Variants in COX6B1 observed in about 807,000 individuals in gnomAD.
COX6B1 encodes cytochrome c oxidase subunit 6B1.
Under a neutral mutation model 14.0 loss-of-function variants are expected in COX6B1, and 2 were observed. The ratio of observed to expected loss-of-function variants is 0.14; its 90% CI spans 0.06 to 0.45. COX6B1 has a LOEUF of 0.45. Ranked by LOEUF, COX6B1 falls within the 20% of genes least tolerant of loss-of-function variation. The pLI is 0.98. For missense variants in COX6B1, 81 were observed against 114.2 expected, an observed-to-expected ratio of 0.71 and a Z score of 1.33; for synonymous variants, 30 against 39.7, an observed-to-expected ratio of 0.76 and a Z score of 0.92.
chr19:35,658,092 T>A (rs910367601), intron 3 of COX6B1, among the ~76,000 whole-genome samples: 1 of 152,152 alleles, frequency 6.6e-6, no homozygotes, highest in African/African-American at 2.4e-5. Flanking sequence ...ACACCCAGCC[T>A]CCATCATTGT....
chr19:35,650,919 C>T (rs180769332), intron 1 of COX6B1, among the ~76,000 whole-genome samples: 543 of 152,212 alleles, frequency 3.6e-3, no homozygotes, highest in African/African-American at 0.012. Context: ...ATAGTTCCTA[C>T]CTTTTAGAGT....
chr19:35,656,621 C>G (rs1260893177), intron 3 of COX6B1, among the ~76,000 whole-genome samples: 1 of 151,874 alleles, frequency 6.6e-6, no homozygotes, highest in South Asian at 2.1e-4. Context: ...TCTGGGATTA[C>G]AGGCGCCTGC....
intron 1 of COX6B1, 54 bp from the exon 2 acceptor site, chr19:35,651,178 TG>T: frequency 9.2e-7 from 1 of 1,088,614 alleles, no homozygotes. Context: ...CTGGGTAGTC[TG>T]GCTTGCTCAG....
intron 3 of COX6B1, among the ~76,000 whole-genome samples, chr19:35,657,711 C>T (rs1203466985): frequency 7.3e-6 from 1 of 137,820 alleles, no homozygotes; most frequent in Admixed American, 7.9e-5. Context: ...GTGCGGTGTG[C>T]AGTGGTAGCA....
chr19:35,650,919 C>G (rs180769332), intron 1 of COX6B1, among the ~76,000 whole-genome samples: 5 of 152,100 alleles, frequency 3.3e-5, no homozygotes, highest in Non-Finnish European at 7.3e-5. Context: ...ATAGTTCCTA[C>G]CTTTTAGAGT....
At position 35,658,576 on chromosome 19, in the gene COX6B1, AAC is replaced by A. The variant is rs747318728; in HGVS notation, c.208-15_208-14del. ...TCAGTTTCCCCACTGCGGAGGGAAT[AAC>A]ACTGTCTTTCCACAGGTCACAGACT... On this transcript the variant is annotated splice_polypyrimidine_tract_variant and intron_variant, in intron 3 of 3. Coordinates refer to ENST00000649813, the MANE Select transcript of COX6B1 (RefSeq NM_001863.5). 4.3e-6 allele frequency: 7 copies of A among 1,612,222 alleles called. No homozygotes were observed. The highest frequency in any genetic ancestry group is 5.9e-6 in the Non-Finnish European group (7 of 1,178,316).
chr19:35,649,466 C>T (rs1050641628), intron 1 of COX6B1, among the ~76,000 whole-genome samples: 1 of 150,438 alleles, frequency 6.6e-6, no homozygotes, highest in Non-Finnish European at 1.5e-5. Context: ...GCCACCACAC[C>T]TGGCTAATTT....
chr19:35,651,598 G>T (rs551053752), intron 2 of COX6B1, among the ~76,000 whole-genome samples: 1 of 151,848 alleles, frequency 6.6e-6, no homozygotes, highest in Non-Finnish European at 1.5e-5. Context: ...CAGAGATGGG[G>T]TCTCACTTTG....
chr19:35,651,293 T>C lies in COX6B1; in HGVS notation c.50T>C (p.Phe17Ser). 6.2e-7 allele frequency: 1 copy of C among 1,614,072 alleles called. No homozygotes were observed. Among genetic ancestry groups the C allele is most frequent in the Non-Finnish European group, 8.5e-7 (1 of 1,179,998 alleles). Residue 17 changes from phenylalanine to serine, a missense_variant, in exon 2 of 4, where the codon TTT becomes TCT. Physicochemically the swap from Phe to Ser is radical, Grantham distance 155 (BLOSUM62 -2). Transcript: ENST00000649813. ...ATCAAGAACTACAAGACCGCCCCTT[T>C]TGACAGCCGCTTCCCCAACCAGAAC... is the stretch of plus-strand genomic sequence containing the variant. ...TKIKNYKTAP[F>S]DSRFPNQNQT... is the part of the protein sequence containing the mutation.
At chr19:35,656,181 AG>A (rs1424388956) in intron 3 of COX6B1, among the ~76,000 whole-genome samples, 14 of 152,308 alleles carry the variant, frequency 9.2e-5, no homozygotes, top group African/African-American at 3.4e-4. Flanking sequence ...TTCCACATCT[AG>A]GGATGCTACA....
At chr19:35,657,505 C>T (rs942199733) in intron 3 of COX6B1, among the ~76,000 whole-genome samples, 1 of 151,864 alleles carries the variant, frequency 6.6e-6, no homozygotes, top group Non-Finnish European at 1.5e-5. Context: ...GGTTGGGGCT[C>T]GGGGACCCCT....
chr19:35,649,108 G>A (rs1271145612), intron 1 of COX6B1, among the ~76,000 whole-genome samples: 1 of 152,092 alleles, frequency 6.6e-6, no homozygotes, highest in Admixed American at 6.5e-5. Flanking sequence ...TCAGGCTCCC[G>A]ACGAACACTG....
chr19:35,653,582 ATTT>A (rs1225466966), intron 2 of COX6B1, among the ~76,000 whole-genome samples: 3 of 115,410 alleles, frequency 2.6e-5, no homozygotes, highest in Admixed American at 1.8e-4. Context: ...AATTTTTTGT[ATTT>A]TTTTTTTTTT....
At chr19:35,655,892 C>G (rs748178427) in intron 3 of COX6B1, among the ~76,000 whole-genome samples, 2 of 151,880 alleles carry the variant, frequency 1.3e-5, no homozygotes, top group Non-Finnish European at 2.9e-5. Context: ...GAGCCTTGCT[C>G]TGTTGCCCAG....
intron 1 of COX6B1, chr19:35,648,900 A>C: frequency 3.8e-6 from 2 of 533,256 alleles, no homozygotes; most frequent in South Asian, 2.8e-5. Context: ...CCGGGTAGAG[A>C]TCTCGCCGGT....
At chr19:35,657,203 C>G (rs1174700643) in intron 3 of COX6B1, among the ~76,000 whole-genome samples, 4 of 151,770 alleles carry the variant, frequency 2.6e-5, no homozygotes, top group Admixed American at 6.6e-5. Context: ...TTTCCTGCAA[C>G]TAGATGGTCC....
chr19:35,651,216 A>T lies in COX6B1; in HGVS notation c.-11-17A>T. ...GCCCCTGGGGCCCCTGCTGACACCCACTCCTTTCGCCTCCAGGATTCAGCA... is the reference window on the plus strand; with the variant it reads ...GCCCCTGGGGCCCCTGCTGACACCCTCTCCTTTCGCCTCCAGGATTCAGCA... On this transcript the variant is annotated splice_polypyrimidine_tract_variant and intron_variant, in intron 1 of 3. Transcript: ENST00000649813. The T allele has an allele frequency of 6.3e-7, 1 of 1,576,940 alleles. No individual in the cohort carries two copies. The highest frequency in any genetic ancestry group is 8.7e-7 in the Non-Finnish European group (1 of 1,146,916).
intron 3 of COX6B1, among the ~76,000 whole-genome samples, chr19:35,656,027 C>T (rs1967885656): frequency 6.6e-6 from 1 of 151,904 alleles, no homozygotes; most frequent in East Asian, 1.9e-4. Context: ...TGGGGTTTCG[C>T]CTTGTTGCCC....
rs575941224 is a variant in COX6B1 at position 35,648,348 on chromosome 19, T to C, written c.-67T>C. On this transcript the variant is annotated 5_prime_UTR_variant, in exon 1 of 4. Transcript: ENST00000649813. The stretch of plus-strand genomic sequence containing the variant: ...AGTAGTTCCGCTTCCTGTCCGACTG[T>C]GGTGTCTTTGCTGAGGGTCACATTG... The C allele has an allele frequency of 6.5e-6, 1 of 154,774 alleles. No homozygotes were observed. Among genetic ancestry groups the C allele is most frequent in the Non-Finnish European group, 1.4e-5 (1 of 69,380 alleles). 9.6% of individuals were successfully genotyped at this position (154,774 alleles called of 1,614,324 possible).
Sources: gnomAD v4.1 joint callset for allele counts (sites outside exome capture counted in the v4.1 genomes callset) on GRCh38, gnomAD v4.1.1 for gene constraint, MANE v1.5 for transcripts, NCBI Gene and HGNC (gene_info 2026-07-23, HGNC 2026-07-21) for gene names.